OPCML: variants seen among roughly 807,000 people sequenced by gnomAD.
OPCML encodes the protein opioid binding protein/cell adhesion molecule like, also known as opioid-binding protein/cell adhesion molecule.
In OPCML, 13 loss-of-function variants were observed where a neutral mutation model predicts 37.8. The ratio of observed to expected loss-of-function variants is 0.34; its 90% CI spans 0.22 to 0.55. The LOEUF is 0.55. Ranked by LOEUF, OPCML falls within the 20% of genes least tolerant of loss-of-function variation. OPCML has a pLI of 0.91. For missense variants in OPCML, 341 were observed against 435.6 expected (o/e 0.78, Z 1.93); for synonymous variants, 176 against 168.8 (o/e 1.04, Z -0.33).
intron 2 of OPCML, among the ~76,000 whole-genome samples, chr11:132,752,098 C>A (rs1945854352): frequency 6.6e-6 from 1 of 152,030 alleles, no homozygotes; most frequent in Non-Finnish European, 1.5e-5. Context: ...ATAGTTGAAC[C>A]AAAGGACCCA....
At position 132,423,648 on chromosome 11, in the gene OPCML, G is replaced by A. The variant is rs151280562; in HGVS notation, c.917-3355C>T. ...TTTCTGGGTTAGTTCTCTCCCACTA[G>A]GCTGCTGTATGCTACAGTTGCTCAC... On this transcript the variant is annotated intron_variant, in intron 7 of 7. Transcript: ENST00000524381. Among the ~76,000 whole-genome samples, 20 of 152,330 alleles carry A rather than the reference G, an allele frequency of 1.3e-4. No individual in the cohort carries two copies. In the East Asian group the frequency reaches 3.7e-3, roughly 28 times the overall value.
intron 1 of OPCML, among the ~76,000 whole-genome samples, chr11:133,157,113 G>C (rs1950072803): frequency 6.6e-6 from 1 of 152,052 alleles, no homozygotes; most frequent in Non-Finnish European, 1.5e-5. Flanking sequence ...ATCTTCAGAG[G>C]GAGCCGGCAA....
intron 1 of OPCML, among the ~76,000 whole-genome samples, chr11:133,030,895 T>TCC (rs57214360): frequency 0.023 from 3,444 of 152,032 alleles, 99 homozygotes; most frequent in African/African-American, 0.07. Context: ...CTTTTTTTTT[T>TCC]CCAAAGAAGG....
chr11:132,446,052 T>G, intron 4 of OPCML, among the ~76,000 whole-genome samples: 1 of 150,892 alleles, frequency 6.6e-6, no homozygotes, highest in Non-Finnish European at 1.5e-5. Context: ...GACAAGAGGC[T>G]TCTTTCCAAA....
chr11:133,027,573 G>A (rs1947580968), intron 1 of OPCML, among the ~76,000 whole-genome samples: 1 of 150,084 alleles, frequency 6.7e-6, no homozygotes, highest in Admixed American at 6.7e-5. Flanking sequence ...TTACGTGTGT[G>A]GTGTGTTATG....
intron 1 of OPCML, among the ~76,000 whole-genome samples, chr11:133,396,269 A>G (rs1945284459): frequency 6.6e-6 from 1 of 152,106 alleles, no homozygotes; most frequent in Non-Finnish European, 1.5e-5. Context: ...AATTATTTGT[A>G]AATTTACTTA....
At chr11:133,487,239 C>A (rs1022977609) in intron 1 of OPCML, among the ~76,000 whole-genome samples, 3 of 152,254 alleles carry the variant, frequency 2.0e-5, no homozygotes, top group Non-Finnish European at 2.9e-5. Flanking sequence ...ACCCCTGAGA[C>A]TTTACATGAT....
chr11:133,445,681 A>T (rs1946459982), intron 1 of OPCML, among the ~76,000 whole-genome samples: 1 of 152,230 alleles, frequency 6.6e-6, no homozygotes, highest in African/African-American at 2.4e-5. Flanking sequence ...AAATAACAAA[A>T]TAAATTGCAG....
At chr11:132,779,680 G>A (rs561675277) in intron 2 of OPCML, among the ~76,000 whole-genome samples, 1 of 152,218 alleles carries the variant, frequency 6.6e-6, no homozygotes, top group South Asian at 2.1e-4. Context: ...CAGCCTGAAT[G>A]TGTGGCCCTC....
At chr11:132,797,142 A>C (rs1420212710) in intron 2 of OPCML, among the ~76,000 whole-genome samples, 5 of 152,018 alleles carry the variant, frequency 3.3e-5, no homozygotes, top group African/African-American at 1.2e-4. Flanking sequence ...TTCTTTTGTC[A>C]CTTGTGTTTT....
At chr11:132,617,306 G>A (rs959528288) in intron 3 of OPCML, among the ~76,000 whole-genome samples, 2 of 152,158 alleles carry the variant, frequency 1.3e-5, no homozygotes, top group Non-Finnish European at 2.9e-5. Context: ...AAAACAATTC[G>A]AGGAAATTCT....
At chr11:132,594,934 A>C (rs992967221) in intron 3 of OPCML, among the ~76,000 whole-genome samples, 7 of 152,380 alleles carry the variant, frequency 4.6e-5, no homozygotes, top group African/African-American at 1.7e-4. Context: ...CCCCGAGTTC[A>C]AGGCAGATAT....
At chr11:132,794,359 T>A (rs767497657) in intron 2 of OPCML, among the ~76,000 whole-genome samples, 34 of 152,316 alleles carry the variant, frequency 2.2e-4, no homozygotes, top group Non-Finnish European at 4.4e-4. Context: ...CAAAGGGAGT[T>A]CCAGCTGCCG....
intron 1 of OPCML, among the ~76,000 whole-genome samples, chr11:133,056,292 A>T (rs1948237739): frequency 6.6e-6 from 1 of 152,232 alleles, no homozygotes; most frequent in Non-Finnish European, 1.5e-5. Context: ...TAAAAGGAAA[A>T]ATGAGTGACT....
At chr11:132,799,658 C>T (rs1202962872) in intron 2 of OPCML, among the ~76,000 whole-genome samples, 7 of 151,448 alleles carry the variant, frequency 4.6e-5, no homozygotes, top group South Asian at 2.1e-4. Context: ...AGACATTAAG[C>T]GAGCACATAC....
intron 1 of OPCML, chr11:133,065,718 C>G (rs1948431239): frequency 6.6e-6 from 1 of 152,384 alleles, no homozygotes; most frequent in Non-Finnish European, 1.5e-5. Flanking sequence ...TTCACTTGGA[C>G]TCACTGGATG....
At chr11:133,313,919 G>A (rs1385101937) in intron 1 of OPCML, among the ~76,000 whole-genome samples, 1 of 152,176 alleles carries the variant, frequency 6.6e-6, no homozygotes, top group African/African-American at 2.4e-5. Context: ...GTTTGAAGAA[G>A]TCCATTATTT....
chr11:133,395,745 A>G (rs958560180), intron 1 of OPCML, among the ~76,000 whole-genome samples: 1 of 152,040 alleles, frequency 6.6e-6, no homozygotes, highest in African/African-American at 2.4e-5. Flanking sequence ...TGGTCTATGT[A>G]TCTGTTTTTG....
rs573381645 is a variant in OPCML at position 132,513,446 on chromosome 11, G to A, written c.505+15615C>T. ...TAATTTTTGTTTTTGTTTTCTTAGC[G>A]GGTGTGATCAAACTTGTTTCCATGG... On this transcript the variant is annotated intron_variant, in intron 4 of 7. Transcript: ENST00000524381. 5.1e-4 allele frequency among the ~76,000 whole-genome samples: 77 copies of A among 152,158 alleles called. 1 individual carries two copies. The highest frequency in any genetic ancestry group is 1.4e-3 in the African/African-American group (59 of 41,546).
Sources: gnomAD v4.1 joint callset for allele counts (sites outside exome capture counted in the v4.1 genomes callset) on GRCh38, gnomAD v4.1.1 for gene constraint, MANE v1.5 for transcripts, NCBI Gene and HGNC (gene_info 2026-07-23, HGNC 2026-07-21) for gene names.